RAP1GDS1: variants seen among roughly 807,000 people sequenced by gnomAD.
The protein encoded by RAP1GDS1 is Rap1 GTPase-GDP dissociation stimulator 1.
Under a neutral mutation model 71.1 loss-of-function variants are expected in RAP1GDS1, and 35 were observed. The observed-to-expected ratio is 0.49, with a 90% CI of 0.38 to 0.65. RAP1GDS1 has a LOEUF of 0.65. RAP1GDS1 is among the 30% of genes least tolerant of loss of function. The pLI is 0.00. For missense variants in RAP1GDS1, 663 were observed against 706.1 expected (o/e 0.94, Z 0.69); for synonymous variants, 229 against 243.1 (o/e 0.94, Z 0.54).
At position 98,417,925 on chromosome 4, in the gene RAP1GDS1, T is replaced by A. The variant is rs561956325; in HGVS notation, c.1039+427T>A. On this transcript the variant is annotated intron_variant, in intron 9 of 14. Coordinates refer to ENST00000408927, the MANE Select transcript of RAP1GDS1 (RefSeq NM_001100427.2). ...CCCTGGCATCGTGTAGAATGTTTAATTTAGTTTAATAATGTTTCAGGGGGC... is the reference window on the plus strand; with the variant it reads ...CCCTGGCATCGTGTAGAATGTTTAAATTAGTTTAATAATGTTTCAGGGGGC... 5.3e-5 allele frequency among the ~76,000 whole-genome samples: 8 copies of A among 152,300 alleles called. 1 individual carries two copies. The South Asian group carries it at 1.4e-3, about 28-fold the overall frequency.
At chr4:98,279,927 A>G (rs1436245489) in intron 1 of RAP1GDS1, among the ~76,000 whole-genome samples, 2 of 152,208 alleles carry the variant, frequency 1.3e-5, no homozygotes, top group Non-Finnish European at 2.9e-5. Flanking sequence ...ATCCCTGCAA[A>G]GGGCATGAAC....
chr4:98,330,563 G>T (rs2110365322), intron 2 of RAP1GDS1, among the ~76,000 whole-genome samples: 1 of 149,706 alleles, frequency 6.7e-6, no homozygotes, highest in Admixed American at 6.6e-5. Context: ...CCGGACAGAG[G>T]CGCTCCTCAC....
rs1199698774 is a variant in RAP1GDS1 at position 98,417,499 on chromosome 4, G to A, written c.1039+1G>A. 9 of 1,613,302 alleles carry A rather than the reference G, an allele frequency of 5.6e-6. No individual in the cohort carries two copies. Among genetic ancestry groups the A allele is most frequent in the Admixed American group, 1.7e-5 (1 of 59,934 alleles). ...GCAATTGCAAATTTTGCCAGAAATG[G>A]TAAGCATATTAGTTCCTCCTTTGTT... On this transcript the variant is annotated splice_donor_variant, in intron 9 of 14. Coordinates refer to ENST00000408927, the MANE Select transcript of RAP1GDS1 (RefSeq NM_001100427.2). LOFTEE classifies it high-confidence loss of function.
intron 6 of RAP1GDS1, among the ~76,000 whole-genome samples, chr4:98,397,581 A>C (rs1744731502): frequency 6.6e-6 from 1 of 152,168 alleles, no homozygotes; most frequent in Admixed American, 6.5e-5. Flanking sequence ...CTGGGAAGAA[A>C]GGCAATAACT....
At chr4:98,289,161 G>A (rs1726517916) in intron 1 of RAP1GDS1, among the ~76,000 whole-genome samples, 1 of 151,990 alleles carries the variant, frequency 6.6e-6, no homozygotes, top group Non-Finnish European at 1.5e-5. Context: ...TTAATTCTCA[G>A]CAATCACAAA....
chr4:98,355,199 A>G (rs1209534896), intron 4 of RAP1GDS1, among the ~76,000 whole-genome samples: 5 of 152,098 alleles, frequency 3.3e-5, no homozygotes, highest in Admixed American at 6.6e-5. Flanking sequence ...AGTGGCTTCT[A>G]TTTTAATTCA....
At chr4:98,379,308 T>G in intron 5 of RAP1GDS1, 145 bp downstream of exon 5, 1 of 879,452 alleles carries the variant, frequency 1.1e-6, no homozygotes, top group Non-Finnish European at 1.6e-6. Flanking sequence ...AACATTAAAT[T>G]TCAATGTTTC....
At chr4:98,300,964 G>A (rs1163343825) in intron 2 of RAP1GDS1, among the ~76,000 whole-genome samples, 2 of 151,802 alleles carry the variant, frequency 1.3e-5, no homozygotes, top group Admixed American at 6.6e-5. Context: ...CTTTCAGGTA[G>A]CAAAGTTACT....
At chr4:98,303,816 C>G (rs1427621297) in intron 2 of RAP1GDS1, among the ~76,000 whole-genome samples, 2 of 151,936 alleles carry the variant, frequency 1.3e-5, no homozygotes, top group Admixed American at 1.3e-4. Context: ...GGTATTAAGC[C>G]CCACATGCAT....
At chr4:98,282,721 A>G (rs185062510) in intron 1 of RAP1GDS1, among the ~76,000 whole-genome samples, 56 of 151,780 alleles carry the variant, frequency 3.7e-4, no homozygotes, top group Admixed American at 5.9e-4. Flanking sequence ...TAGAATGTCT[A>G]TTTTAGATCT....
chr4:98,386,917 T>A (rs1742852141), intron 5 of RAP1GDS1, among the ~76,000 whole-genome samples: 2 of 152,164 alleles, frequency 1.3e-5, no homozygotes, highest in Admixed American at 1.3e-4. Context: ...AATTTTCATA[T>A]CCTTTTTTGG....
At position 98,295,642 on chromosome 4, in the gene RAP1GDS1, A is replaced by G. The variant is rs542175396; in HGVS notation, c.112+2127A>G. Among the ~76,000 whole-genome samples, 191 of 152,164 alleles carry G rather than the reference A, an allele frequency of 1.3e-3. 2 individuals carry two copies. The South Asian group carries it at 0.017, about 13-fold the overall frequency. On this transcript the variant is annotated intron_variant, in intron 2 of 14. Transcript: ENST00000408927. Reference sequence around the variant, plus strand: ...GCCAGAGTTTGGATTTGAACTCTTGATTTACAAAATAAAAAATTGTAATCT... The same window carrying G: ...GCCAGAGTTTGGATTTGAACTCTTGGTTTACAAAATAAAAAATTGTAATCT...
At chr4:98,269,832 A>G (rs1235964585) in intron 1 of RAP1GDS1, among the ~76,000 whole-genome samples, 1 of 152,248 alleles carries the variant, frequency 6.6e-6, no homozygotes, top group South Asian at 2.1e-4. Flanking sequence ...AAAATCTGAA[A>G]CACTTCTGGT....
chr4:98,436,637 T>G (rs74325796), intron 13 of RAP1GDS1, among the ~76,000 whole-genome samples: 2,789 of 152,304 alleles, frequency 0.018, 94 homozygotes, highest in African/African-American at 0.061. Flanking sequence ...AGGTATATTA[T>G]TATACCATCT....
chr4:98,295,140 C>T (rs1177557583), intron 2 of RAP1GDS1, among the ~76,000 whole-genome samples: 2 of 151,950 alleles, frequency 1.3e-5, no homozygotes, highest in Non-Finnish European at 2.9e-5. Context: ...TTTAAAAGAA[C>T]AGATTTAAGA....
chr4:98,261,532 T>A lies in RAP1GDS1; in HGVS notation c.-34T>A. The A allele has an allele frequency of 6.3e-7, 1 of 1,594,024 alleles. No individual in the cohort carries two copies. Among genetic ancestry groups the A allele is most frequent in the Non-Finnish European group, 8.6e-7 (1 of 1,169,004 alleles). Reference sequence around the variant, plus strand: ...GCCGCCCGCACCACAGACCTTCGCCTCGCCCCGCCGGTTCCTCACCCTCGG... The same window carrying A: ...GCCGCCCGCACCACAGACCTTCGCCACGCCCCGCCGGTTCCTCACCCTCGG... On this transcript the variant is annotated 5_prime_UTR_variant, in exon 1 of 15. Coordinates refer to ENST00000408927, the MANE Select transcript of RAP1GDS1 (RefSeq NM_001100427.2).
At chr4:98,282,107 G>T (rs1180260332) in intron 1 of RAP1GDS1, among the ~76,000 whole-genome samples, 1 of 152,158 alleles carries the variant, frequency 6.6e-6, no homozygotes, top group South Asian at 2.1e-4. Context: ...TTGGTATCAG[G>T]ATGATGCTGG....
intron 11 of RAP1GDS1, 138 bp from the exon 12 acceptor site, chr4:98,421,117 A>G (rs1057053554): frequency 6.5e-6 from 6 of 920,350 alleles, no homozygotes; most frequent in Admixed American, 3.1e-5. Context: ...TCACATAAGG[A>G]ATATTTGCAG....
rs150772107 is a variant in RAP1GDS1, at chr4:98,373,549, A to C, written c.362-5468A>C. Among the ~76,000 whole-genome samples, 545 of 152,242 alleles carry C rather than the reference A, an allele frequency of 3.6e-3. 3 individuals carry two copies. Among genetic ancestry groups the C allele is most frequent in the African/African-American group, 0.012 (511 of 41,566 alleles). ...TTCATTTTTGGAAAATTTTTCAGTC[A>C]TTAACTCTTAAAATATTTTTCTACC... is the stretch of plus-strand genomic sequence containing the variant. On this transcript the variant is annotated intron_variant, in intron 4 of 14. Transcript: ENST00000408927.
Sources: gnomAD v4.1 joint callset for allele counts (sites outside exome capture counted in the v4.1 genomes callset) on GRCh38, gnomAD v4.1.1 for gene constraint, MANE v1.5 for transcripts, NCBI Gene and HGNC (gene_info 2026-07-23, HGNC 2026-07-21) for gene names.